The following CCDC34 variants were observed in gnomAD, a reference collection of about 807,000 sequenced individuals.
The protein encoded by CCDC34 is coiled-coil domain containing 34.
CCDC34 carries 40 observed loss-of-function variants against 44.1 expected under a neutral mutation model. The observed-to-expected ratio is 0.91, with a 90% CI of 0.70 to 1.18. The LOEUF is 1.18. Ranked by LOEUF, CCDC34 falls within the 50% of genes most tolerant of loss-of-function variation. The probability of loss-of-function intolerance (pLI) is 0.00; values close to 1 mark genes in which losing one functional copy is unlikely to be tolerated. For missense variants in CCDC34, 466 were observed against 452.3 expected (o/e 1.03, Z -0.28); for synonymous variants, 159 against 158.2 (o/e 1.01, Z -0.04).
At chr11:27,347,434 C>T (rs1862449404) in intron 3 of CCDC34, among the ~76,000 whole-genome samples, 1 of 152,110 alleles carries the variant, frequency 6.6e-6, no homozygotes, top group South Asian at 2.1e-4. Flanking sequence ...GAATTTTATT[C>T]ATAATATCCC....
At position 27,342,396 on chromosome 11, in the gene CCDC34, T is replaced by C. The variant is rs1381244841; in HGVS notation, c.607-846A>G. On this transcript the variant is annotated intron_variant, in intron 3 of 5. Coordinates refer to ENST00000328697, the MANE Select transcript of CCDC34 (RefSeq NM_030771.2). ...ATATATGTATATATATTTTTATATATACACACACACATATTTCCAGGACAG... is the reference window on the plus strand; with the variant it reads ...ATATATGTATATATATTTTTATATACACACACACACATATTTCCAGGACAG... Among the ~76,000 whole-genome samples the C allele has an allele frequency of 2.7e-5, 4 of 149,580 alleles. No homozygotes were observed. In the East Asian group the frequency reaches 7.8e-4, roughly 29 times the overall value.
chr11:27,349,075 A>T, intron 3 of CCDC34: 1 of 985,270 alleles, frequency 1.0e-6, no homozygotes, highest in South Asian at 4.7e-5. Context: ...TCCTAGACAA[A>T]CAACAACTAG....
At chr11:27,340,962 A>C (rs1050992622) in intron 4 of CCDC34, 125 bp from the exon 5 acceptor site, 3 of 755,042 alleles carry the variant, frequency 4.0e-6, no homozygotes, top group Non-Finnish European at 4.2e-6. Context: ...ATAATACTGA[A>C]TCATATTTTT....
At chr11:27,343,049 C>T (rs1318757239) in intron 3 of CCDC34, among the ~76,000 whole-genome samples, 1 of 152,160 alleles carries the variant, frequency 6.6e-6, no homozygotes, top group East Asian at 1.9e-4. Flanking sequence ...ACTCAACCAA[C>T]AAACATCAGT....
chr11:27,349,532 AT>A (rs773234941), intron 3 of CCDC34: 57 of 938,226 alleles, frequency 6.1e-5, no homozygotes, highest in Middle Eastern at 1.1e-3. Context: ...CAATTTAAAC[AT>A]TTTTCCACAT....
intron 1 of CCDC34, 133 bp downstream of exon 1, chr11:27,362,703 A>C (rs548726052): frequency 1.7e-5 from 17 of 1,026,386 alleles, no homozygotes; most frequent in South Asian, 8.5e-5. Context: ...TGCAAAAAAA[A>C]CCACGGCACC....
chr11:27,358,968 C>CG (rs1408658953), intron 1 of CCDC34, among the ~76,000 whole-genome samples: 13 of 70,780 alleles, frequency 1.8e-4, no homozygotes, highest in East Asian at 1.7e-3. Context: ...ACCCCCCCCC[C>CG]CCACCGCCAC....
chr11:27,353,901 C>T (rs539245802), intron 2 of CCDC34, among the ~76,000 whole-genome samples: 30 of 152,260 alleles, frequency 2.0e-4, no homozygotes, highest in African/African-American at 5.3e-4. Context: ...CTGCCATGGA[C>T]GAAGCCTTGG....
intron 4 of CCDC34, 26 bp from the exon 5 acceptor site, chr11:27,340,863 T>C: frequency 6.2e-7 from 1 of 1,605,254 alleles, no homozygotes; most frequent in Non-Finnish European, 8.5e-7. Context: ...CCAAAATATT[T>C]CCAGGGATAT....
At chr11:27,356,949 G>GTGGGGGTGGGGGTGGT (rs1862586507) in intron 2 of CCDC34, among the ~76,000 whole-genome samples, 1 of 138,146 alleles carries the variant, frequency 7.2e-6, no homozygotes, top group African/African-American at 2.7e-5. Flanking sequence ...GGTGGGGGGG[G>GTGGGGGTGGGGGTGGT]GCAGGTAGAT....
At chr11:27,351,756 G>A (rs900232565) in intron 2 of CCDC34, among the ~76,000 whole-genome samples, 1 of 152,188 alleles carries the variant, frequency 6.6e-6, no homozygotes, top group Non-Finnish European at 1.5e-5. Flanking sequence ...AAGGGAAGAT[G>A]AGGAGAAACA....
chr11:27,357,325 A>G lies in CCDC34; in HGVS notation c.498+78T>C, dbSNP rs1469335964. ...AGACTTTGTTTTCAGGAATAATAAC[A>G]TTAACATTTTAATTTACAACTGCAG... On this transcript the variant is annotated intron_variant, in intron 2 of 5. Transcript: ENST00000328697. 12 of 1,410,488 alleles carry G rather than the reference A, an allele frequency of 8.5e-6. 1 individual carries two copies. The highest frequency in any genetic ancestry group is 4.3e-5 in the Admixed American group (2 of 46,350). The allele number at this position is 1,410,488 out of a possible 1,614,324, so 87.4% of individuals were successfully genotyped here. A position where few individuals can be genotyped will look rare whatever the true frequency, so the allele number is the denominator to read the frequency against.
At chr11:27,355,156 GC>G (rs1862557595) in intron 2 of CCDC34, among the ~76,000 whole-genome samples, 1 of 152,072 alleles carries the variant, frequency 6.6e-6, no homozygotes, top group East Asian at 1.9e-4. Context: ...TGTAGATAAA[GC>G]CCAATACCAG....
rs912553868 is a variant in CCDC34 at position 27,362,878 on chromosome 11, T to C, written c.317A>G (p.Lys106Arg). Residue 106 changes from lysine (K) to arginine (R), a missense_variant, in exon 1 of 6, where the codon AAA becomes AGA. By Grantham distance (26) the Lys-to-Arg change is conservative. Coordinates refer to ENST00000328697, the MANE Select transcript of CCDC34 (RefSeq NM_030771.2). ...CTCCATTCCTCTCAGGCTCGCCACT[T>C]TGGCCTCTGAATCATGGGCATCTTC... ...VDEDAHDSEA[K>R]VASLRGMELQ... The C allele has an allele frequency of 6.2e-7, 1 of 1,614,068 alleles. No homozygotes were observed. The highest frequency in any genetic ancestry group is 1.3e-5 in the African/African-American group (1 of 74,980).
Position 27,341,414 on chromosome 11 carries a change from C to A in CCDC34, c.743G>T (p.Cys248Phe), listed in dbSNP as rs1298481856. 6.9e-7 allele frequency: 1 copy of A among 1,457,884 alleles called. No homozygotes were observed. Among genetic ancestry groups the A allele is most frequent in the East Asian group, 2.4e-5 (1 of 42,340 alleles). The allele number at this position is 1,457,884 out of a possible 1,614,324, so 90.3% of individuals were successfully genotyped here. ...EWLKKKNAEE[C>F]ERKKKEKEKE... ...TACCTTTTCTTTCTTCTTCCTCTCA[C>A]ATTCTTCAGCATTTTTTTTCTTTAA... Residue 248 changes from cysteine to phenylalanine, a missense_variant, in exon 4 of 6, where the codon TGT becomes TTT. Coordinates refer to ENST00000328697, the MANE Select transcript of CCDC34 (RefSeq NM_030771.2).
Position 27,350,318 on chromosome 11 carries a change from T to C in CCDC34, c.606+14A>G. ...AAGAGATGTCAATGTGTGTATCCAT[T>C]TTCCCCTCCTTACTTGCTCATTCTT... On this transcript the variant is annotated intron_variant, in intron 3 of 5. Coordinates refer to ENST00000328697, the MANE Select transcript of CCDC34 (RefSeq NM_030771.2). The C allele has an allele frequency of 6.2e-7, 1 of 1,613,942 alleles. No individual in the cohort carries two copies. Among genetic ancestry groups the C allele is most frequent in the Non-Finnish European group, 8.5e-7 (1 of 1,179,936 alleles).
At position 27,357,434 on chromosome 11, in the gene CCDC34, T is replaced by C. The variant is rs759413616; in HGVS notation, c.467A>G (p.Glu156Gly). The C allele has an allele frequency of 6.2e-7, 1 of 1,613,982 alleles. No homozygotes were observed. The highest frequency in any genetic ancestry group is 8.5e-7 in the Non-Finnish European group (1 of 1,179,892). Residue 156 changes from glutamate to glycine, a missense_variant, in exon 2 of 6, where the codon GAA (glutamate) becomes GGA (glycine). Physicochemically the swap from Glu to Gly is moderately conservative, Grantham distance 98. Coordinates refer to ENST00000328697, the MANE Select transcript of CCDC34 (RefSeq NM_030771.2). ...AGCTTTCAGTTGCAGCCGGTCACGT[T>C]CTTCTTTTTCTTTGCCAATAAACCA... ...EVWFIGKEKEERDRLQLKALE... is the reference protein window; with the variant it reads ...EVWFIGKEKEGRDRLQLKALE...
chr11:27,350,858 A>C (rs537278243), intron 2 of CCDC34, among the ~76,000 whole-genome samples: 47 of 152,302 alleles, frequency 3.1e-4, no homozygotes, highest in Non-Finnish European at 5.7e-4. Context: ...AATAATCCCT[A>C]TATTAAAAAT....
At chr11:27,349,009 G>C in intron 3 of CCDC34, 1 of 983,216 alleles carries the variant, frequency 1.0e-6, no homozygotes, top group Non-Finnish European at 1.2e-6. Flanking sequence ...ATTGGATTAG[G>C]TCTACTGCCA....
Sources: allele counts gnomAD v4.1 joint callset (sites outside exome capture counted in the v4.1 genomes callset), GRCh38; gene constraint gnomAD v4.1.1; transcripts MANE v1.5; gene names NCBI Gene and HGNC (gene_info 2026-07-23, HGNC 2026-07-21).